The following LIPC variants were observed in gnomAD, a reference collection of about 807,000 sequenced individuals.
LIPC encodes the protein lipase C, hepatic type, also known as hepatic triacylglycerol lipase.
In LIPC, 44 loss-of-function variants were observed where a neutral mutation model predicts 50.7. That is an observed-to-expected ratio of 0.87 (90% CI 0.68 to 1.11). LIPC has a LOEUF of 1.11. Ranked by LOEUF, LIPC falls within the 50% of genes most tolerant of loss-of-function variation. LIPC has a pLI of 0.00. For missense variants in LIPC, 697 were observed against 648.2 expected (o/e 1.08, Z -0.82); for synonymous variants, 271 against 256.4 (o/e 1.06, Z -0.54).
At chr15:58,504,859 C>A (rs1030586213) in intron 1 of LIPC, among the ~76,000 whole-genome samples, 2 of 152,176 alleles carry the variant, frequency 1.3e-5, no homozygotes, top group Non-Finnish European at 1.5e-5. Context: ...AGGAGAGCTG[C>A]GCATGCTGTA....
At chr15:58,514,616 G>T (rs907207585) in intron 1 of LIPC, among the ~76,000 whole-genome samples, 2 of 152,182 alleles carry the variant, frequency 1.3e-5, no homozygotes, top group African/African-American at 4.8e-5. Context: ...CTGAGGTCAG[G>T]AGTTTGAGAC....
At position 58,498,549 on chromosome 15, in the gene LIPC, A is replaced by G. The variant is rs140672870; in HGVS notation, c.89-39784A>G. The G allele has an allele frequency of 1.1e-4, 17 of 152,344 alleles. No individual in the cohort carries two copies. In the East Asian group the frequency reaches 3.1e-3, roughly 28 times the overall value. The allele number at this position is 152,344 out of a possible 1,614,324, so 9.4% of individuals were successfully genotyped here. On this transcript the variant is annotated intron_variant, in intron 1 of 8. Transcript: ENST00000299022. ...CAGGGTGCAGTATATCCCTGGTGCTAAAACTTCACGGGTAGACAATTAGGG... is the reference window on the plus strand; with the variant it reads ...CAGGGTGCAGTATATCCCTGGTGCTGAAACTTCACGGGTAGACAATTAGGG...
At chr15:58,539,869 G>A (rs903690799) in intron 2 of LIPC, among the ~76,000 whole-genome samples, 2 of 152,022 alleles carry the variant, frequency 1.3e-5, no homozygotes, top group Admixed American at 1.3e-4. Context: ...CACTTTTCCT[G>A]TAAGACACAG....
intron 1 of LIPC, among the ~76,000 whole-genome samples, chr15:58,519,859 G>A (rs1416437021): frequency 1.3e-5 from 2 of 152,066 alleles, no homozygotes; most frequent in Non-Finnish European, 1.5e-5. Flanking sequence ...TGGGGGGCAG[G>A]TGGGATTTCT....
chr15:58,542,092 G>T, intron 3 of LIPC, 125 bp downstream of exon 3: 1 of 1,131,484 alleles, frequency 8.8e-7, no homozygotes, highest in Non-Finnish European at 1.3e-6. Flanking sequence ...CAGCTCACAG[G>T]AATGAGAAGG....
intron 1 of LIPC, among the ~76,000 whole-genome samples, chr15:58,468,608 T>C (rs890227983): frequency 6.6e-6 from 1 of 152,162 alleles, no homozygotes; most frequent in South Asian, 2.1e-4. Context: ...TGTGACGTTA[T>C]CAGGGGATTT....
intron 5 of LIPC, among the ~76,000 whole-genome samples, chr15:58,546,675 G>A (rs2140923900): frequency 6.6e-6 from 1 of 152,206 alleles, no homozygotes; most frequent in African/African-American, 2.4e-5. Flanking sequence ...CAAATTTCTT[G>A]CTATTATAAA....
chr15:58,533,260 A>C lies in LIPC; in HGVS notation c.89-5073A>C, dbSNP rs1410313567. On this transcript the variant is annotated intron_variant, in intron 1 of 8. Coordinates refer to ENST00000299022, the MANE Select transcript of LIPC (RefSeq NM_000236.3). ...ATTTCTTCACTCATAGCTAAAGCAT[A>C]TCCTTTCCTCACAGCTTATCATAGA... The C allele has an allele frequency of 5.8e-6, 4 of 695,510 alleles. No homozygotes were observed. In the East Asian group the frequency reaches 5.3e-4, roughly 93 times the overall value. The allele number at this position is 695,510 out of a possible 1,614,324, so 43.1% of individuals were successfully genotyped here. A position where few individuals can be genotyped will look rare whatever the true frequency, so the allele number is the denominator to read the frequency against.
At chr15:58,483,483 G>T (rs1039456481) in intron 1 of LIPC, among the ~76,000 whole-genome samples, 1 of 152,178 alleles carries the variant, frequency 6.6e-6, no homozygotes, top group Non-Finnish European at 1.5e-5. Flanking sequence ...CAGAGGTTTT[G>T]CAGGATGTGG....
chr15:58,460,141 C>G (rs943771551), intron 1 of LIPC, among the ~76,000 whole-genome samples: 1 of 152,200 alleles, frequency 6.6e-6, no homozygotes, highest in Non-Finnish European at 1.5e-5. Context: ...TTGTTCAAGC[C>G]GATGAACATC....
chr15:58,486,968 T>C (rs1364565249), intron 1 of LIPC, among the ~76,000 whole-genome samples: 2 of 152,068 alleles, frequency 1.3e-5, no homozygotes, highest in Non-Finnish European at 2.9e-5. Context: ...CCACAGTGGG[T>C]GTGAGGCGGG....
intron 1 of LIPC, among the ~76,000 whole-genome samples, chr15:58,457,519 C>T (rs1161885318): frequency 6.6e-6 from 1 of 152,224 alleles, no homozygotes; most frequent in Non-Finnish European, 1.5e-5. Flanking sequence ...AGAGCTGCAG[C>T]AGCAGTCCTT....
chr15:58,448,078 A>C (rs1174674955), intron 1 of LIPC, among the ~76,000 whole-genome samples: 5 of 152,136 alleles, frequency 3.3e-5, no homozygotes, highest in Non-Finnish European at 7.3e-5. Flanking sequence ...ATTCCTGCTG[A>C]TGCTCAAGCC....
chr15:58,503,635 T>A (rs1892057854), intron 1 of LIPC, among the ~76,000 whole-genome samples: 1 of 152,174 alleles, frequency 6.6e-6, no homozygotes, highest in Non-Finnish European at 1.5e-5. Flanking sequence ...CCAGGGAATG[T>A]GAAGGGCAGG....
intron 1 of LIPC, among the ~76,000 whole-genome samples, chr15:58,513,212 T>C (rs1892386943): frequency 6.6e-6 from 1 of 152,190 alleles, no homozygotes; most frequent in Non-Finnish European, 1.5e-5. Context: ...CATCCCCTTC[T>C]GCCAAGAAGC....
At chr15:58,484,857 T>C (rs1382287147) in intron 1 of LIPC, among the ~76,000 whole-genome samples, 7 of 152,210 alleles carry the variant, frequency 4.6e-5, no homozygotes, top group African/African-American at 1.4e-4. Context: ...ATCTGAATGA[T>C]GAACAGGAGT....
intron 4 of LIPC, 152 bp from the exon 5 acceptor site, chr15:58,545,590 G>A: frequency 1.5e-6 from 1 of 664,362 alleles, no homozygotes; most frequent in South Asian, 1.8e-5. Context: ...CTGAGAAAAG[G>A]TTACGGCGAG....
chr15:58,488,054 CGAGGTCAG>C (rs756801966), intron 1 of LIPC, among the ~76,000 whole-genome samples: 1 of 152,194 alleles, frequency 6.6e-6, no homozygotes, highest in Non-Finnish European at 1.5e-5. Flanking sequence ...GTGGATCCCT[CGAGGTCAG>C]GAGGTCAAGG....
At chr15:58,549,716 G>A (rs183897992) in intron 6 of LIPC, among the ~76,000 whole-genome samples, 1 of 152,264 alleles carries the variant, frequency 6.6e-6, no homozygotes, top group Admixed American at 6.5e-5. Flanking sequence ...GAGTCAAGCA[G>A]GTCTAGGAAT....
Sources: gnomAD v4.1 joint callset for allele counts (sites outside exome capture counted in the v4.1 genomes callset) on GRCh38, gnomAD v4.1.1 for gene constraint, MANE v1.5 for transcripts, NCBI Gene and HGNC (gene_info 2026-07-23, HGNC 2026-07-21) for gene names.